The following TMEM63A variants were observed in gnomAD, a reference collection of about 807,000 sequenced individuals.
The protein encoded by TMEM63A is mechanosensitive cation channel TMEM63A.
Under a neutral mutation model 100.6 loss-of-function variants are expected in TMEM63A, and 76 were observed. The observed-to-expected ratio is 0.76, with a 90% CI of 0.63 to 0.91. TMEM63A has a LOEUF of 0.91. Among genes scored for constraint, TMEM63A ranks in the 40% least tolerant of loss-of-function variants. The pLI is 0.00. For synonymous variants in TMEM63A, 401 were observed against 401.1 expected (o/e 1.00, Z 0.00); for missense variants, 876 against 1,008.8 (o/e 0.87, Z 1.78).
At chr1:225,852,109 C>G (rs867102704) in intron 20 of TMEM63A, among the ~76,000 whole-genome samples, 1 of 152,226 alleles carries the variant, frequency 6.6e-6, no homozygotes, top group Admixed American at 6.5e-5. Flanking sequence ...CAACCATGAA[C>G]GACATAGTCA....
chr1:225,872,039 T>A lies in TMEM63A; in HGVS notation c.281A>T (p.Gln94Leu), dbSNP rs774425398. 6.2e-7 allele frequency: 1 copy of A among 1,611,954 alleles called. No homozygotes were observed. Among genetic ancestry groups the A allele is most frequent in the South Asian group, 1.1e-5 (1 of 91,000 alleles). Residue 94 changes from glutamine to leucine, a missense_variant, in exon 5 of 25, where the codon CAG becomes CTG. By Grantham distance (113) the Gln-to-Leu change is moderately radical. Coordinates refer to ENST00000366835, the MANE Select transcript of TMEM63A (RefSeq NM_014698.3). ...VSEADSESRF[Q>L]RLSSTSSSGQ... ...TGAGGAGGAAGTCGATGACAATCTCTGAAATCTGGACTCGCTAGAGACACA... is the reference window on the plus strand; with the variant it reads ...TGAGGAGGAAGTCGATGACAATCTCAGAAATCTGGACTCGCTAGAGACACA...
chr1:225,855,843 G>A (rs746150810), intron 18 of TMEM63A, 35 bp downstream of exon 18: 25 of 1,610,346 alleles, frequency 1.6e-5, no homozygotes, highest in African/African-American at 2.7e-5. Context: ...TTCACCCAGG[G>A]CCATGGCTCC....
At chr1:225,844,490 G>A (rs751536768), downstream of TMEM63A, 28 of 1,613,928 alleles carry the variant, frequency 1.7e-5, no homozygotes, top group Admixed American at 1.0e-4. Flanking sequence ...TGTGTTCTGC[G>A]TTCCCAGGAA....
chr1:225,856,794 A>T, intron 16 of TMEM63A, 56 bp from the exon 17 acceptor site: 1 of 1,592,578 alleles, frequency 6.3e-7, no homozygotes, highest in Non-Finnish European at 8.6e-7. Context: ...ATGTGCCCCC[A>T]GTGAGGCCCC....
intron 21 of TMEM63A, 117 bp from the exon 22 acceptor site, chr1:225,849,129 G>T: frequency 2.6e-6 from 2 of 780,600 alleles, no homozygotes; most frequent in Non-Finnish European, 4.2e-6. Context: ...TCTCCCTCAG[G>T]CAGAAAATAA....
intron 1 of TMEM63A, among the ~76,000 whole-genome samples, chr1:225,881,803 C>T (rs1179807291): frequency 2.0e-5 from 3 of 149,368 alleles, no homozygotes; most frequent in Admixed American, 6.7e-5. Flanking sequence ...CCCCGCCCTT[C>T]CCCCCAGTCC....
chr1:225,877,048 A>C (rs1442344760), intron 3 of TMEM63A, among the ~76,000 whole-genome samples: 1 of 152,116 alleles, frequency 6.6e-6, no homozygotes, highest in Non-Finnish European at 1.5e-5. Flanking sequence ...CTCTCCAGTC[A>C]CATGTCTCAA....
chr1:225,872,102 A>G, intron 4 of TMEM63A, 49 bp from the exon 5 acceptor site: 1 of 1,443,720 alleles, frequency 6.9e-7, no homozygotes, highest in Non-Finnish European at 9.5e-7. Flanking sequence ...TAGAAAAAAA[A>G]AAAAGCCAAA....
At chr1:225,841,739 T>C (rs1481028551), downstream of TMEM63A, among the ~76,000 whole-genome samples, 3 of 151,806 alleles carry the variant, frequency 2.0e-5, no homozygotes, top group African/African-American at 7.3e-5. Context: ...GTAGCTGGGA[T>C]TACAGGCATG....
chr1:225,844,712 T>C (rs1470922281), downstream of TMEM63A: 6 of 1,575,724 alleles, frequency 3.8e-6, no homozygotes, highest in East Asian at 1.4e-4. Context: ...CACTTGGTGG[T>C]GGGATAAGTA....
At chr1:225,847,709 C>T (rs1669089973) in intron 23 of TMEM63A, among the ~76,000 whole-genome samples, 3 of 152,206 alleles carry the variant, frequency 2.0e-5, no homozygotes, top group Admixed American at 2.0e-4. Context: ...TGACATCATC[C>T]ACCTGTCCTG....
At chr1:225,880,915 T>C (rs1020245018) in intron 1 of TMEM63A, among the ~76,000 whole-genome samples, 6 of 152,222 alleles carry the variant, frequency 3.9e-5, no homozygotes, top group African/African-American at 1.4e-4. Context: ...TGGATATTGT[T>C]CGTTCTTGCA....
chr1:225,847,934 G>C (rs1383721920), intron 23 of TMEM63A, among the ~76,000 whole-genome samples: 1 of 152,140 alleles, frequency 6.6e-6, no homozygotes, highest in Non-Finnish European at 1.5e-5. Flanking sequence ...TGGAACCCTG[G>C]GGCTCTGCTT....
intron 18 of TMEM63A, among the ~76,000 whole-genome samples, chr1:225,855,274 T>C (rs2102605968): frequency 6.6e-6 from 1 of 152,254 alleles, no homozygotes; most frequent in East Asian, 1.9e-4. Context: ...TTATTCAACG[T>C]CTCCAAACCT....
downstream of TMEM63A, chr1:225,845,510 C>T (rs1315564500): frequency 1.5e-6 from 1 of 679,098 alleles, no homozygotes; most frequent in Non-Finnish European, 2.5e-6. Flanking sequence ...CCCCAACCCC[C>T]AACTCCGTGT....
In TMEM63A at chr1:225,862,521, C is replaced by G. The variant is rs757054922; in HGVS notation, c.885G>C (p.Gln295His). 6 of 1,614,150 alleles carry G rather than the reference C, an allele frequency of 3.7e-6. No homozygotes were observed. Among genetic ancestry groups the G allele is most frequent in the Non-Finnish European group, 5.1e-6 (6 of 1,180,006 alleles). ...AGGGCTTGGGGTTGATGAGGGTCCG[C>G]TGGCCTGTCTTCACCTGCAGGTTTG... is the stretch of plus-strand genomic sequence containing the variant. Reference protein sequence around the residue: ...YYTNLQVKTGQRTLINPKPCG... With the variant: ...YYTNLQVKTGHRTLINPKPCG... The change falls in exon 12 of 25, where the codon CAG becomes CAC. Residue 295 changes from glutamine to histidine, a missense_variant. This residue lies in a region of TMEM63A where 487 missense variants were observed against 581.9 expected (regional missense o/e 0.84). Coordinates refer to ENST00000366835, the MANE Select transcript of TMEM63A (RefSeq NM_014698.3). This position sits in a 1 kb window ranked among gnomAD's most constrained non-coding sequence, Gnocchi z 5.1.
intron 1 of TMEM63A, among the ~76,000 whole-genome samples, chr1:225,880,831 T>C (rs1025193448): frequency 6.6e-6 from 1 of 152,206 alleles, no homozygotes; most frequent in Non-Finnish European, 1.5e-5. Flanking sequence ...CCAGTCTCCA[T>C]TGGCAGCAAG....
rs1254832927 is a variant in TMEM63A, at chr1:225,867,995, G to C, written c.407C>G (p.Ala136Gly). 1.9e-6 allele frequency: 3 copies of C among 1,614,154 alleles called. No homozygotes were observed. In the South Asian group the frequency reaches 3.3e-5, roughly 18 times the overall value. Reference sequence around the variant, plus strand: ...CCTCTGGAAGGACAGGTAGTGGATGGCGTCCTCCCCACACCATTCCAGGAT... The same window carrying C: ...CCTCTGGAAGGACAGGTAGTGGATGCCGTCCTCCCCACACCATTCCAGGAT... ...DQILEWCGED[A>G]IHYLSFQRHI... The change falls in exon 7 of 25, where the codon GCC (alanine) becomes GGC (glycine). Residue 136 changes from alanine (A) to glycine (G), a missense_variant. Physicochemically the swap from Ala to Gly is moderately conservative, Grantham distance 60. This residue lies in a region of TMEM63A where 487 missense variants were observed against 581.9 expected (regional missense o/e 0.84). Coordinates refer to ENST00000366835, the MANE Select transcript of TMEM63A (RefSeq NM_014698.3). The surrounding 1 kb of genome is among the most constrained non-coding windows in gnomAD (Gnocchi z 4.6).
chr1:225,871,334 A>G (rs377564100), intron 5 of TMEM63A, among the ~76,000 whole-genome samples: 1 of 152,226 alleles, frequency 6.6e-6, no homozygotes, highest in African/African-American at 2.4e-5. Flanking sequence ...TCAAATCACA[A>G]AACTTAGATC....
Sources: gnomAD v4.1 joint callset for allele counts (sites outside exome capture counted in the v4.1 genomes callset) on GRCh38, gnomAD v4.1.1 for gene constraint, gnomAD v4.1.1 regional missense constraint, Gnocchi (gnomAD v3.1) non-coding constraint, MANE v1.5 for transcripts, NCBI Gene and HGNC (gene_info 2026-07-23, HGNC 2026-07-21) for gene names.